The following CEP135 variants were observed in gnomAD, a reference collection of about 807,000 sequenced individuals.
The protein encoded by CEP135 is centrosomal protein of 135 kDa.
CEP135 carries 142 observed loss-of-function variants against 157.3 expected under a neutral mutation model. The ratio of observed to expected loss-of-function variants is 0.90; its 90% CI spans 0.79 to 1.04. The LOEUF (loss-of-function observed/expected upper bound fraction) is 1.04, where lower values mean the gene tolerates loss of function less well. Among genes scored for constraint, CEP135 ranks in the 50% least tolerant of loss-of-function variants. The probability of loss-of-function intolerance (pLI) is 0.00; values close to 1 mark genes in which losing one functional copy is unlikely to be tolerated. For synonymous variants in CEP135, 396 were observed against 439.8 expected (o/e 0.90, Z 1.25); for missense variants, 1,317 against 1,309.2 (o/e 1.01, Z -0.09).
At chr4:56,020,253 T>G (rs535851536) in intron 23 of CEP135, among the ~76,000 whole-genome samples, 86 of 152,284 alleles carry the variant, frequency 5.6e-4, no homozygotes, top group African/African-American at 1.9e-3. Context: ...AGAGACTGAT[T>G]ATGTCATATT....
chr4:55,991,885 C>T (rs1729810241), intron 14 of CEP135, 49 bp from the exon 15 acceptor site: 1 of 914,004 alleles, frequency 1.1e-6, no homozygotes, highest in East Asian at 3.1e-5. Context: ...AGAAAAATAT[C>T]ATTAACGTAT....
In CEP135 at chr4:55,999,387, G is replaced by A. The variant is rs1388834748; in HGVS notation, c.2095G>A (p.Ala699Thr). ...IKRGELESAQ[A>T]QIKILEEKID... is the part of the protein sequence containing the mutation. The stretch of plus-strand genomic sequence containing the variant: ...AAGAGGTGAACTTGAATCAGCCCAA[G>A]CACAAATTAAAATACTGGAGGAAAA... Residue 699 changes from alanine (A) to threonine (T), a missense_variant, in exon 16 of 26, where the codon GCA (alanine) becomes ACA (threonine). By Grantham distance (58) the Ala-to-Thr change is moderately conservative. Coordinates refer to ENST00000257287, the MANE Select transcript of CEP135 (RefSeq NM_025009.5). 5.0e-6 allele frequency: 8 copies of A among 1,614,070 alleles called. No homozygotes were observed. The highest frequency in any genetic ancestry group is 6.8e-6 in the Non-Finnish European group (8 of 1,179,992).
At chr4:55,950,674 C>A (rs916418866) in intron 1 of CEP135, among the ~76,000 whole-genome samples, 27 of 151,066 alleles carry the variant, frequency 1.8e-4, no homozygotes, top group Non-Finnish European at 3.7e-4. Context: ...TGGATAACTC[C>A]ATTTTAGGGC....
intron 17 of CEP135, among the ~76,000 whole-genome samples, chr4:56,001,812 C>T (rs1371150619): frequency 2.6e-5 from 4 of 151,966 alleles, no homozygotes; most frequent in African/African-American, 9.7e-5. Flanking sequence ...ATAGGGATTA[C>T]ATTGAATCTG....
intron 15 of CEP135, among the ~76,000 whole-genome samples, 186 bp from the exon 16 acceptor site, chr4:55,999,116 A>G (rs1730072196): frequency 6.6e-6 from 1 of 152,226 alleles, no homozygotes; most frequent in Non-Finnish European, 1.5e-5. Context: ...ACCATTTTGG[A>G]GAAGAATAGT....
At chr4:55,990,615 C>T (rs1577890603) in intron 14 of CEP135, among the ~76,000 whole-genome samples, 1 of 152,002 alleles carries the variant, frequency 6.6e-6, no homozygotes, top group African/African-American at 2.4e-5. Context: ...CCCACCTCTT[C>T]AGCCTCCCTA....
intron 11 of CEP135, among the ~76,000 whole-genome samples, chr4:55,976,104 A>C (rs1362505100): frequency 6.6e-6 from 1 of 152,088 alleles, no homozygotes; most frequent in Non-Finnish European, 1.5e-5. Context: ...AAATTAAAAA[A>C]TTAGCTGAGC....
At chr4:55,964,203 ATGTT>A (rs1728772035) in intron 6 of CEP135, 67 bp from the exon 7 acceptor site, 2 of 1,398,134 alleles carry the variant, frequency 1.4e-6, no homozygotes, top group African/African-American at 2.9e-5. Flanking sequence ...ATCCAAATAA[ATGTT>A]TGTACAGTGT....
At chr4:56,018,829 G>C (rs946707412) in intron 22 of CEP135, among the ~76,000 whole-genome samples, 1 of 151,780 alleles carries the variant, frequency 6.6e-6, no homozygotes, top group Non-Finnish European at 1.5e-5. Flanking sequence ...TATTTTTCCC[G>C]ATAAAAATCT....
At chr4:56,017,263 G>A (rs562418360) in intron 21 of CEP135, among the ~76,000 whole-genome samples, 1 of 152,130 alleles carries the variant, frequency 6.6e-6, no homozygotes, top group African/African-American at 2.4e-5. Context: ...GAAGACAGTT[G>A]AGGAGTGATA....
Position 55,965,630 on chromosome 4 carries a change from C to T in CEP135, c.829-14C>T, listed in dbSNP as rs774477246. 1 of 1,578,154 alleles carries T rather than the reference C, an allele frequency of 6.3e-7. No homozygotes were observed. Among genetic ancestry groups the T allele is most frequent in the Non-Finnish European group, 8.6e-7 (1 of 1,162,284 alleles). Reference sequence around the variant, plus strand: ...TCCAATTCATATACCTCATAAATTACAACTCCAATTTAGGTTGACTTTCTT... The same window carrying T: ...TCCAATTCATATACCTCATAAATTATAACTCCAATTTAGGTTGACTTTCTT... On this transcript the variant is annotated splice_polypyrimidine_tract_variant and intron_variant, in intron 7 of 25. Coordinates refer to ENST00000257287, the MANE Select transcript of CEP135 (RefSeq NM_025009.5).
At chr4:56,023,085 T>C (rs990670509) in intron 24 of CEP135, among the ~76,000 whole-genome samples, 5 of 151,836 alleles carry the variant, frequency 3.3e-5, no homozygotes, top group African/African-American at 1.2e-4. Context: ...TTTTAAAAAT[T>C]AGCTGGCCAT....
At chr4:56,004,688 AC>A (rs1730290754) in intron 17 of CEP135, among the ~76,000 whole-genome samples, 2 of 152,036 alleles carry the variant, frequency 1.3e-5, no homozygotes, top group South Asian at 4.1e-4. Context: ...ATAGTCTTTG[AC>A]TTGTAGGCTA....
At chr4:56,000,245 A>G (rs750077290) in intron 17 of CEP135, among the ~76,000 whole-genome samples, 1 of 152,226 alleles carries the variant, frequency 6.6e-6, no homozygotes, top group African/African-American at 2.4e-5. Context: ...TATGAGATGT[A>G]CATATTTTTG....
intron 25 of CEP135, 60 bp from the exon 26 acceptor site, chr4:56,031,300 A>G (rs1336622229): frequency 6.6e-6 from 1 of 152,586 alleles, no homozygotes; most frequent in Non-Finnish European, 1.5e-5. Flanking sequence ...TTTTTTATGA[A>G]TATGTTGAAT....
chr4:55,967,295 AAG>A (rs1403456217), intron 8 of CEP135, among the ~76,000 whole-genome samples: 1 of 152,216 alleles, frequency 6.6e-6, no homozygotes, highest in African/African-American at 2.4e-5. Flanking sequence ...TGAAATAAAA[AAG>A]TAAAATTTTA....
chr4:55,949,936 T>C (rs1349469031), intron 1 of CEP135, among the ~76,000 whole-genome samples: 1 of 152,188 alleles, frequency 6.6e-6, no homozygotes, highest in Non-Finnish European at 1.5e-5. Context: ...GAGGAGGTAT[T>C]ATCTCTGGGT....
intron 9 of CEP135, among the ~76,000 whole-genome samples, chr4:55,969,711 T>G (rs1239169149): frequency 2.0e-5 from 3 of 152,202 alleles, no homozygotes; most frequent in Non-Finnish European, 4.4e-5. Flanking sequence ...CTTAATTTTA[T>G]GTATAGTAGG....
At chr4:56,026,755 G>C (rs997746043) in intron 25 of CEP135, among the ~76,000 whole-genome samples, 15 of 152,196 alleles carry the variant, frequency 9.9e-5, no homozygotes, top group African/African-American at 3.1e-4. Flanking sequence ...TTTGACTGAG[G>C]AAGGATCAAA....
Sources: gnomAD v4.1 joint callset for allele counts (sites outside exome capture counted in the v4.1 genomes callset) on GRCh38, gnomAD v4.1.1 for gene constraint, MANE v1.5 for transcripts, NCBI Gene and HGNC (gene_info 2026-07-23, HGNC 2026-07-21) for gene names.